Variants in NRXN1 observed in about 807,000 individuals in gnomAD.
The protein encoded by NRXN1 is neurexin-1.
Under a neutral mutation model 150.9 loss-of-function variants are expected in NRXN1, and 39 were observed. The ratio of observed to expected loss-of-function variants is 0.26; its 90% CI spans 0.20 to 0.34. The LOEUF (loss-of-function observed/expected upper bound fraction) is 0.34, where lower values mean the gene tolerates loss of function less well. Ranked by LOEUF, NRXN1 falls within the 10% of genes least tolerant of loss-of-function variation. The pLI, the probability that NRXN1 is intolerant of heterozygous loss-of-function variation, is 1.00. For missense variants in NRXN1, 1,815 were observed against 1,949.9 expected (o/e 0.93, Z 1.30); for synonymous variants, 924 against 757.0 (o/e 1.22, Z -3.62).
intron 17 of NRXN1, among the ~76,000 whole-genome samples, chr2:50,260,462 G>A (rs142501780): frequency 1.3e-5 from 2 of 151,618 alleles, no homozygotes; most frequent in African/African-American, 2.4e-5. Flanking sequence ...GGGTTAAGAC[G>A]GAGACTCAAC....
At chr2:50,403,255 T>A (rs985328735) in intron 17 of NRXN1, among the ~76,000 whole-genome samples, 6 of 152,124 alleles carry the variant, frequency 3.9e-5, no homozygotes, top group Non-Finnish European at 7.4e-5. Context: ...GTAAAGGAGA[T>A]TAAGGTGCTC....
At chr2:49,940,106 T>TG (rs1272369911) in intron 22 of NRXN1, among the ~76,000 whole-genome samples, 15 of 151,736 alleles carry the variant, frequency 9.9e-5, no homozygotes, top group Admixed American at 8.5e-4. Flanking sequence ...TTTTTGAAGG[T>TG]GGGGGAGGGT....
chr2:50,398,999 G>A (rs1460884785), intron 17 of NRXN1, among the ~76,000 whole-genome samples: 1 of 152,098 alleles, frequency 6.6e-6, no homozygotes, highest in Non-Finnish European at 1.5e-5. Context: ...AACATGTCTG[G>A]ACAAATATGT....
At chr2:50,622,583 C>T (rs1020462123) in intron 6 of NRXN1, among the ~76,000 whole-genome samples, 8 of 152,232 alleles carry the variant, frequency 5.3e-5, no homozygotes, top group Non-Finnish European at 7.4e-5. Flanking sequence ...ACTGTAATCA[C>T]GTATTCATTA....
At chr2:50,374,398 T>C (rs555046236) in intron 17 of NRXN1, among the ~76,000 whole-genome samples, 1 of 152,128 alleles carries the variant, frequency 6.6e-6, no homozygotes, top group African/African-American at 2.4e-5. Context: ...TACTTGTGTG[T>C]GACTGATAAA....
chr2:50,328,796 A>G (rs1457405356), intron 17 of NRXN1, among the ~76,000 whole-genome samples: 1 of 152,156 alleles, frequency 6.6e-6, no homozygotes, highest in Non-Finnish European at 1.5e-5. Flanking sequence ...CGTCACCGCT[A>G]TAAACTTCTG....
chr2:50,050,237 T>C (rs1372304803), intron 21 of NRXN1, among the ~76,000 whole-genome samples: 2 of 151,828 alleles, frequency 1.3e-5, no homozygotes, highest in Admixed American at 1.3e-4. Context: ...GATATTTTGA[T>C]GAACACTACT....
chr2:50,104,861 G>C (rs1423041329), intron 18 of NRXN1, among the ~76,000 whole-genome samples: 1 of 151,980 alleles, frequency 6.6e-6, no homozygotes, highest in Non-Finnish European at 1.5e-5. Context: ...GAAAAAGAGA[G>C]ACACTAACAT....
chr2:50,565,841 C>T (rs72835371), intron 8 of NRXN1, among the ~76,000 whole-genome samples: 10,595 of 152,244 alleles, frequency 0.07, 474 homozygotes, highest in South Asian at 0.19. Flanking sequence ...CTGCCCTTGG[C>T]CAGACCATGT....
chr2:50,723,144 A>G (rs1480072122), intron 5 of NRXN1, among the ~76,000 whole-genome samples: 3 of 152,134 alleles, frequency 2.0e-5, no homozygotes, highest in African/African-American at 7.2e-5. Flanking sequence ...TAAATCCCTG[A>G]AAGTGTTAAG....
chr2:50,320,324 ATATAG>A (rs1234293148), intron 17 of NRXN1, among the ~76,000 whole-genome samples: 3 of 126,036 alleles, frequency 2.4e-5, no homozygotes, highest in African/African-American at 9.3e-5. Context: ...ATATATATAT[ATATAG>A]TATATGATTA....
chr2:50,493,135 A>G (rs2091355043), intron 15 of NRXN1, among the ~76,000 whole-genome samples: 1 of 152,240 alleles, frequency 6.6e-6, no homozygotes, highest in Admixed American at 6.5e-5. Context: ...CTTTAAGAAT[A>G]CAATCTATTG....
chr2:50,901,571 A>T (rs1225414993), intron 5 of NRXN1, among the ~76,000 whole-genome samples: 1 of 152,138 alleles, frequency 6.6e-6, no homozygotes, highest in Non-Finnish European at 1.5e-5. Flanking sequence ...ATGAGAAAAC[A>T]TTAATTATGC....
chr2:50,695,841 A>ATT (rs5831150), intron 5 of NRXN1, among the ~76,000 whole-genome samples: 11,254 of 127,224 alleles, frequency 0.088, 844 homozygotes, highest in African/African-American at 0.14. Flanking sequence ...AGTGACTCTG[A>ATT]TTTTTTTTTT....
At chr2:49,935,322 A>G (rs1329195887) in intron 22 of NRXN1, among the ~76,000 whole-genome samples, 4 of 152,192 alleles carry the variant, frequency 2.6e-5, no homozygotes, top group Non-Finnish European at 5.9e-5. Context: ...TTTACTCAAT[A>G]AAACAAAATA....
rs1170291598 is a variant in NRXN1 at position 50,329,651 on chromosome 2, A to G, written c.3365-92681T>C. ...TATATATATATATATATATATATAT[A>G]TATATATATATATATATATATATTT... On this transcript the variant is annotated intron_variant, in intron 17 of 22. Coordinates refer to ENST00000401669, the MANE Select transcript of NRXN1 (RefSeq NM_001330078.2). Among the ~76,000 whole-genome samples, 10 of 9,366 alleles carry G rather than the reference A, an allele frequency of 1.1e-3. 1 individual carries two copies. The East Asian group carries it at 0.07, about 66-fold the overall frequency. The allele number at this position is 9,366 out of a possible 152,430, so 6.1% of individuals were successfully genotyped here.
chr2:50,678,200 G>C (rs984710780), intron 5 of NRXN1, among the ~76,000 whole-genome samples: 1 of 152,100 alleles, frequency 6.6e-6, no homozygotes, highest in East Asian at 1.9e-4. Context: ...TGTTTTGTTT[G>C]GTAAGACAGA....
At chr2:50,724,735 G>A (rs1697114674) in intron 5 of NRXN1, among the ~76,000 whole-genome samples, 1 of 152,048 alleles carries the variant, frequency 6.6e-6, no homozygotes, top group Non-Finnish European at 1.5e-5. Flanking sequence ...TTAAAATTGA[G>A]GTAATTAAGA....
At chr2:49,940,180 C>T (rs1671731496) in intron 22 of NRXN1, among the ~76,000 whole-genome samples, 1 of 152,034 alleles carries the variant, frequency 6.6e-6, no homozygotes, top group South Asian at 2.1e-4. Context: ...AAGATTTGGG[C>T]AACGCATCTA....
Sources: gnomAD v4.1 joint callset for allele counts (sites outside exome capture counted in the v4.1 genomes callset) on GRCh38, gnomAD v4.1.1 for gene constraint, MANE v1.5 for transcripts, NCBI Gene and HGNC (gene_info 2026-07-23, HGNC 2026-07-21) for gene names.